Variants in SVIL observed in about 807,000 individuals in gnomAD.
The protein encoded by SVIL is archvillin.
In SVIL, 101 loss-of-function variants were observed where a neutral mutation model predicts 240.4. The observed-to-expected ratio is 0.42, with a 90% CI of 0.36 to 0.50. SVIL has a LOEUF of 0.50. Among genes scored for constraint, SVIL ranks in the 20% least tolerant of loss-of-function variants. The pLI, the probability that SVIL is intolerant of heterozygous loss-of-function variation, is 0.01. For synonymous variants in SVIL, 999 were observed against 1,100.0 expected, an observed-to-expected ratio of 0.91 and a Z score of 1.82; for missense variants, 2,512 against 2,818.7, an observed-to-expected ratio of 0.89 and a Z score of 2.46.
chr10:29,599,596 T>C (rs1468396298), intron 1 of SVIL, among the ~76,000 whole-genome samples: 1 of 152,042 alleles, frequency 6.6e-6, no homozygotes, highest in Non-Finnish European at 1.5e-5. Flanking sequence ...TTTGTATTTT[T>C]AGTAGAGACG....
intron 3 of SVIL, among the ~76,000 whole-genome samples, chr10:29,649,651 T>G (rs1001282626): frequency 6.6e-5 from 10 of 152,196 alleles, no homozygotes; most frequent in Admixed American, 2.6e-4. Flanking sequence ...CTTACCAAAA[T>G]ATGCAAGTGC....
rs1351256926 is a variant in SVIL, at chr10:29,549,520, G to A, written c.827+1077C>T. Among the ~76,000 whole-genome samples the A allele has an allele frequency of 2.3e-4, 33 of 140,554 alleles. 1 individual carries two copies. The highest frequency in any genetic ancestry group is 2.3e-4 in the Non-Finnish European group (15 of 64,364). 92.2% of individuals were successfully genotyped at this position (140,554 alleles called of 152,430 possible). On this transcript the variant is annotated intron_variant, in intron 6 of 37. Coordinates refer to ENST00000355867, the MANE Select transcript of SVIL (RefSeq NM_021738.3). Reference sequence around the variant, plus strand: ...CATTTGACCCAGCCATCCCATTACTGGGTATATACCCAAAGGACTATAAAT... The same window carrying A: ...CATTTGACCCAGCCATCCCATTACTAGGTATATACCCAAAGGACTATAAAT...
chr10:29,723,447 T>C (rs1964105502), intron 1 of SVIL, among the ~76,000 whole-genome samples: 1 of 152,132 alleles, frequency 6.6e-6, no homozygotes, highest in Admixed American at 6.6e-5. Context: ...TCATGACAAG[T>C]CACTTTCTAG....
intron 29 of SVIL, among the ~76,000 whole-genome samples, chr10:29,477,565 G>A (rs944556511): frequency 1.3e-5 from 2 of 152,210 alleles, no homozygotes; most frequent in African/African-American, 2.4e-5. Context: ...CTCTGACTCA[G>A]TCCTGTTTGC....
intron 21 of SVIL, among the ~76,000 whole-genome samples, chr10:29,491,603 C>T (rs117604002): frequency 0.031 from 4,720 of 152,260 alleles, 111 homozygotes; most frequent in Non-Finnish European, 0.043. Context: ...AGGCCCGCAA[C>T]CATCTGTGAC....
Position 29,533,143 on chromosome 10 carries a change from C to A in SVIL, c.1224G>T (p.Thr408=). The A allele has an allele frequency of 6.2e-7, 1 of 1,614,150 alleles. No homozygotes were observed. The highest frequency in any genetic ancestry group is 8.5e-7 in the Non-Finnish European group (1 of 1,180,034). ...TATCCCTTCCGTCACCTTCTAGAAC[C>A]GTCAAGCTGGGAGGTTTGGGGACAT... ...TQNVPKPPSL[T]VLEGDGRDSP... Residue 408 remains threonine, a synonymous_variant, in exon 8 of 38, where the codon ACG becomes ACT. Coordinates refer to ENST00000355867, the MANE Select transcript of SVIL (RefSeq NM_021738.3).
intron 2 of SVIL, among the ~76,000 whole-genome samples, chr10:29,675,784 T>C (rs2132571358): frequency 6.6e-6 from 1 of 152,346 alleles, no homozygotes; most frequent in South Asian, 2.1e-4. Flanking sequence ...AGTAAAGATG[T>C]ATTCATGGGT....
chr10:29,547,317 A>C lies in SVIL; in HGVS notation c.827+3280T>G, dbSNP rs74132324. 6.5e-3 allele frequency among the ~76,000 whole-genome samples: 989 copies of C among 152,312 alleles called. 13 individuals carry two copies. Among genetic ancestry groups the C allele is most frequent in the African/African-American group, 0.022 (922 of 41,566 alleles). ...ATCCCTCTTTATGTAAATATGTCCC[A>C]GGTATTTTCCTAATAAATATATAAA... On this transcript the variant is annotated intron_variant, in intron 6 of 37. Transcript: ENST00000355867.
chr10:29,735,915 A>G (rs1362667457), upstream of SVIL: 1 of 151,862 alleles, frequency 6.6e-6, no homozygotes, highest in African/African-American at 2.4e-5. The surrounding 1 kb of genome is among the most constrained non-coding windows in gnomAD (Gnocchi z 4.1). Flanking sequence ...CCTTACCTGG[A>G]GGCTCGCGCG....
At position 29,458,590 on chromosome 10, in the gene SVIL, C is replaced by CTA; in HGVS notation, c.6403-3_6403-2dup. 1.2e-6 allele frequency: 2 copies of CTA among 1,612,176 alleles called. No homozygotes were observed. Among genetic ancestry groups the CTA allele is most frequent in the Non-Finnish European group, 1.7e-6 (2 of 1,179,368 alleles). ...TGATCTGATTGGAAACTTCCGTGTC[C>CTA]TAGAGAAGAGGAGGGGGCAGAGAGG... On this transcript the variant is annotated splice_acceptor_variant, in intron 36 of 37. Coordinates refer to ENST00000355867, the MANE Select transcript of SVIL (RefSeq NM_021738.3). LOFTEE classifies it high-confidence loss of function.
chr10:29,706,351 G>T (rs12265942), intron 1 of SVIL, among the ~76,000 whole-genome samples: 112,827 of 152,094 alleles, frequency 0.74, 41,975 homozygotes, highest in East Asian at 0.82. Context: ...TAATCACCAT[G>T]CTGACTGGTG....
At chr10:29,612,526 T>A (rs1376145524) in intron 1 of SVIL, among the ~76,000 whole-genome samples, 1 of 152,136 alleles carries the variant, frequency 6.6e-6, no homozygotes, top group Non-Finnish European at 1.5e-5. Flanking sequence ...TTGGGGGCAG[T>A]GCTGTCCTCC....
intron 17 of SVIL, among the ~76,000 whole-genome samples, chr10:29,505,372 TA>T (rs1201595398): frequency 5.9e-5 from 9 of 151,866 alleles, no homozygotes; most frequent in Admixed American, 4.6e-4. Flanking sequence ...AATAAAATTT[TA>T]AAAAGACACA....
At chr10:29,547,268 T>G (rs992174145) in intron 6 of SVIL, among the ~76,000 whole-genome samples, 2 of 152,206 alleles carry the variant, frequency 1.3e-5, no homozygotes, top group African/African-American at 2.4e-5. Context: ...TTTTTTTAAA[T>G]GTCAAATTTG....
intron 36 of SVIL, among the ~76,000 whole-genome samples, chr10:29,460,382 C>T (rs918571075): frequency 6.6e-6 from 1 of 152,140 alleles, no homozygotes; most frequent in African/African-American, 2.4e-5. Flanking sequence ...TGGAATCCCA[C>T]AGGCCTGCAC....
At chr10:29,499,380 G>C in intron 17 of SVIL, 117 bp from the exon 18 acceptor site, 4 of 1,306,422 alleles carry the variant, frequency 3.1e-6, no homozygotes, top group Non-Finnish European at 4.2e-6. Context: ...TAAGTATATT[G>C]TCCAAAGATG....
In SVIL at chr10:29,510,628, T is replaced by C. The variant is rs533692739; in HGVS notation, c.3516+2107A>G. Among the ~76,000 whole-genome samples, 206 of 152,052 alleles carry C rather than the reference T, an allele frequency of 1.4e-3. 1 individual carries two copies. The South Asian group carries it at 0.042, about 31-fold the overall frequency. ...AGGTTCCGGCACCTGCTCTCCTGGG[T>C]ACCTCTCCGTCAGCAAGGCTAGAGC... On this transcript the variant is annotated intron_variant, in intron 17 of 37. Transcript: ENST00000355867.
intron 2 of SVIL, among the ~76,000 whole-genome samples, chr10:29,665,908 A>G (rs144480393): frequency 6.6e-6 from 1 of 152,374 alleles, no homozygotes; most frequent in African/African-American, 2.4e-5. Context: ...CTCTCTGCCT[A>G]TCAACCCCCA....
At chr10:29,597,311 G>A (rs1956632425) in intron 1 of SVIL, among the ~76,000 whole-genome samples, 1 of 152,222 alleles carries the variant, frequency 6.6e-6, no homozygotes, top group African/African-American at 2.4e-5. Context: ...ATGGGAGAGA[G>A]GGCAGCCTAT....
Sources: allele counts gnomAD v4.1 joint callset (sites outside exome capture counted in the v4.1 genomes callset), GRCh38; gene constraint gnomAD v4.1.1; non-coding constraint Gnocchi (gnomAD v3.1); transcripts MANE v1.5; gene names NCBI Gene and HGNC (gene_info 2026-07-23, HGNC 2026-07-21).